The following JADE3 variants were observed in gnomAD, a reference collection of about 807,000 sequenced individuals.
JADE3 encodes protein Jade-3.
Under a neutral mutation model 50.1 loss-of-function variants are expected in JADE3, and 2 were observed. That is an observed-to-expected ratio of 0.04 (90% confidence interval 0.02 to 0.13). The LOEUF (loss-of-function observed/expected upper bound fraction) is 0.13, where lower values mean the gene tolerates loss of function less well. Ranked by LOEUF, JADE3 falls within the 10% of genes least tolerant of loss-of-function variation. JADE3 has a pLI of 1.00. For synonymous variants in JADE3, 218 were observed against 232.9 expected (o/e 0.94, Z 0.58); for missense variants, 475 against 634.4 (o/e 0.75, Z 2.70).
At chrX:46,981,167 C>A (rs1556352956) in intron 1 of JADE3, among the ~76,000 whole-genome samples, 2 of 111,920 alleles carry the variant, frequency 1.8e-5, no homozygotes, top group Non-Finnish European at 3.8e-5. Flanking sequence ...AAATCCTGAC[C>A]CACTAAACTA....
chrX:47,038,579 A>T (rs1929184213), intron 7 of JADE3, among the ~76,000 whole-genome samples: 2 of 106,386 alleles, frequency 1.9e-5, no homozygotes, highest in Admixed American at 2.0e-4. Context: ...ACTTGAACCC[A>T]GCAGTTCAAG....
At chrX:46,950,880 A>T (rs1691468500) in intron 1 of JADE3, among the ~76,000 whole-genome samples, 1 of 109,156 alleles carries the variant, frequency 9.2e-6, no homozygotes, top group Non-Finnish European at 1.9e-5. Context: ...TATATTCTTT[A>T]TTTTTTTCTA....
intron 10 of JADE3, among the ~76,000 whole-genome samples, chrX:47,057,686 C>T (rs897743681): frequency 1.8e-5 from 2 of 111,750 alleles, no homozygotes; most frequent in African/African-American, 6.5e-5. Flanking sequence ...ACCCTTGCAA[C>T]GTTTCTGAAG....
intron 1 of JADE3, among the ~76,000 whole-genome samples, chrX:46,966,004 C>A (rs1298157179): frequency 1.8e-5 from 2 of 112,190 alleles, no homozygotes; most frequent in Non-Finnish European, 3.8e-5. Context: ...ACTGCTCTTG[C>A]ATTCTAGGTT....
intron 1 of JADE3, among the ~76,000 whole-genome samples, chrX:46,964,603 C>G (rs1257610294): frequency 1.8e-5 from 2 of 111,937 alleles, no homozygotes; most frequent in East Asian, 5.6e-4. Context: ...GTCATCACTG[C>G]TGTGCCTATC....
At position 47,020,544 on chromosome X, in the gene JADE3, T is replaced by G. The variant is rs1602411367; in HGVS notation, c.285-4180T>G. Among the ~76,000 whole-genome samples the G allele has an allele frequency of 3.6e-5, 4 of 111,852 alleles. 1 individual carries two copies. In the Admixed American group the frequency reaches 3.8e-4, roughly 11 times the overall value. On this transcript the variant is annotated intron_variant, in intron 4 of 10. Coordinates refer to ENST00000614628, the MANE Select transcript of JADE3 (RefSeq NM_014735.5). The stretch of plus-strand genomic sequence containing the variant: ...TCATTATAAGTACAATAATTTCTCC[T>G]TGTGAGTTTATATTAACTTCATCTT...
At chrX:47,038,877 C>A in intron 7 of JADE3, 72 bp from the exon 8 acceptor site, 1 of 547,264 alleles carries the variant, frequency 1.8e-6, no homozygotes. Flanking sequence ...TATGTAACAT[C>A]GTTTATGGTT....
chrX:46,941,419 C>A (rs1926755125), intron 1 of JADE3, among the ~76,000 whole-genome samples: 1 of 111,216 alleles, frequency 9.0e-6, no homozygotes, highest in South Asian at 3.8e-4. Context: ...GGTGATATAC[C>A]TAGTAGTGGA....
chrX:46,955,008 T>C (rs1927084160), intron 1 of JADE3, among the ~76,000 whole-genome samples: 2 of 112,321 alleles, frequency 1.8e-5, no homozygotes, highest in South Asian at 7.4e-4. Context: ...AAAGGTATGG[T>C]ACCTTTTTGA....
intron 6 of JADE3, among the ~76,000 whole-genome samples, chrX:47,029,099 T>C (rs894329613): frequency 9.0e-6 from 1 of 111,644 alleles, no homozygotes; most frequent in Non-Finnish European, 1.9e-5. Flanking sequence ...GCAGACATGG[T>C]CTGTGCCCCC....
intron 1 of JADE3, among the ~76,000 whole-genome samples, chrX:46,966,378 C>T (rs904042829): frequency 9.0e-5 from 10 of 111,471 alleles, no homozygotes; most frequent in Non-Finnish European, 1.9e-4. Flanking sequence ...ACCTTCCTGT[C>T]TCTTTCGCCT....
rs1291694489 is a variant in JADE3, at chrX:46,966,156, CAG to C, written c.-11-18724_-11-18723del. Among the ~76,000 whole-genome samples the C allele has an allele frequency of 4.5e-5, 5 of 111,736 alleles. No individual in the cohort carries two copies. In the East Asian group the frequency reaches 1.4e-3, roughly 31 times the overall value. On this transcript the variant is annotated intron_variant, in intron 1 of 10. Coordinates refer to ENST00000614628, the MANE Select transcript of JADE3 (RefSeq NM_014735.5). ...CCAGGGTAAGATATAGGAAAGAGTTCAGAGATTTTTCTAGATTTTGTGATGGC... is the reference window on the plus strand; with the variant it reads ...CCAGGGTAAGATATAGGAAAGAGTTCAGATTTTTCTAGATTTTGTGATGGC...
chrX:46,968,469 G>A (rs1927412670), intron 1 of JADE3, among the ~76,000 whole-genome samples: 1 of 111,137 alleles, frequency 9.0e-6, no homozygotes, highest in Non-Finnish European at 1.9e-5. Context: ...AGCTACCTGG[G>A]AGGCTGAGGC....
intron 1 of JADE3, among the ~76,000 whole-genome samples, chrX:46,982,764 G>T (rs1714361145): frequency 9.0e-6 from 1 of 111,014 alleles, no homozygotes; most frequent in South Asian, 3.9e-4. Flanking sequence ...GCTCTCCTTG[G>T]CTGTCTCTTT....
At chrX:46,964,794 G>A (rs1927335003) in intron 1 of JADE3, among the ~76,000 whole-genome samples, 1 of 112,445 alleles carries the variant, frequency 8.9e-6, no homozygotes, top group Admixed American at 9.4e-5. Flanking sequence ...ATTTTTATAT[G>A]TCACAAAATA....
At position 46,998,258 on chromosome X, in the gene JADE3, G is replaced by A. The variant is rs781920545; in HGVS notation, c.265G>A (p.Val89Ile). ...GVQVPASPDT[V>I]PQPSLRIIAE... ...CCAGGTACCAGCCAGTCCAGACACC[G>A]TTCCACAGCCTTCTCTCAGGTATTT... Residue 89 changes from valine (V) to isoleucine (I), a missense_variant, in exon 4 of 11, where the codon GTT becomes ATT. This residue lies in a region of JADE3 where 54 missense variants were observed against 51.8 expected (regional missense o/e 1.04). Transcript: ENST00000614628. 40 of 1,205,167 alleles carry A rather than the reference G, an allele frequency of 3.3e-5. No individual in the cohort carries two copies. The highest frequency in any genetic ancestry group is 2.2e-4 in the Admixed American group (10 of 45,219).
intron 8 of JADE3, among the ~76,000 whole-genome samples, chrX:47,052,216 C>T (rs182263334): frequency 9.1e-6 from 1 of 109,715 alleles, no homozygotes; most frequent in Non-Finnish European, 1.9e-5. Context: ...CTTTGCCCCC[C>T]CCTATGAATA....
At position 47,035,805 on chromosome X, in the gene JADE3, C is replaced by G. The variant is rs150887847; in HGVS notation, c.855+2017C>G. On this transcript the variant is annotated intron_variant, in intron 7 of 10. Transcript: ENST00000614628. ...ATACTTTTTACCAGCAGTTGCTTGA[C>G]CCCTTATTTTCACATGGAAAAGAAT... Among the ~76,000 whole-genome samples, 575 of 111,366 alleles carry G rather than the reference C, an allele frequency of 5.2e-3. 3 individuals are homozygous for G. The highest frequency in any genetic ancestry group is 0.016 in the African/African-American group (504 of 30,647).
chrX:46,913,310 G>A (rs1556335559), intron 1 of JADE3, among the ~76,000 whole-genome samples: 1 of 110,179 alleles, frequency 9.1e-6, no homozygotes. Flanking sequence ...GGAAGCCCGG[G>A]TGCCCACCCG....
Sources: gnomAD v4.1 joint callset for allele counts (sites outside exome capture counted in the v4.1 genomes callset) on GRCh38, gnomAD v4.1.1 for gene constraint, gnomAD v4.1.1 regional missense constraint, MANE v1.5 for transcripts, NCBI Gene and HGNC (gene_info 2026-07-23, HGNC 2026-07-21) for gene names.